ERBB4: variants seen among roughly 807,000 people sequenced by gnomAD.
ERBB4 encodes the protein erb-b2 receptor tyrosine kinase 4.
ERBB4 carries 42 observed loss-of-function variants against 158.0 expected under a neutral mutation model. The observed-to-expected ratio is 0.27, with a 90% CI of 0.21 to 0.34. The LOEUF (loss-of-function observed/expected upper bound fraction) is 0.34. Ranked by LOEUF, ERBB4 falls within the 10% of genes least tolerant of loss-of-function variation. The pLI is 1.00. For synonymous variants in ERBB4, 583 were observed against 558.7 expected (o/e 1.04, Z -0.61); for missense variants, 1,333 against 1,624.1 (o/e 0.82, Z 3.08).
chr2:212,408,363 TAA>T (rs1166729697), intron 1 of ERBB4, among the ~76,000 whole-genome samples: 3 of 152,150 alleles, frequency 2.0e-5, no homozygotes, highest in African/African-American at 4.8e-5. Flanking sequence ...GTTCCTACGT[TAA>T]GTTTCCTGAG....
At chr2:211,706,008 C>T (rs1320635837) in intron 9 of ERBB4, among the ~76,000 whole-genome samples, 2 of 152,078 alleles carry the variant, frequency 1.3e-5, no homozygotes, top group African/African-American at 2.4e-5. Context: ...AACACAGGAA[C>T]TATTCGCTTC....
intron 3 of ERBB4, among the ~76,000 whole-genome samples, chr2:211,933,861 AT>A (rs1273727447): frequency 2.0e-5 from 3 of 151,974 alleles, no homozygotes; most frequent in Non-Finnish European, 4.4e-5. Context: ...ATTGCTCTTT[AT>A]TTCCAAAATA....
At chr2:211,925,368 CAA>C (rs1156831857) in intron 3 of ERBB4, among the ~76,000 whole-genome samples, 2 of 134,798 alleles carry the variant, frequency 1.5e-5, no homozygotes, top group Non-Finnish European at 3.2e-5. Flanking sequence ...GAAACAAAAA[CAA>C]GACTGCTTTT....
At chr2:212,309,714 A>C (rs1035780755) in intron 1 of ERBB4, among the ~76,000 whole-genome samples, 14 of 150,392 alleles carry the variant, frequency 9.3e-5, no homozygotes, top group African/African-American at 3.4e-4. Flanking sequence ...CTCTGCTGCA[A>C]ATCTGTGTCA....
intron 2 of ERBB4, among the ~76,000 whole-genome samples, chr2:211,949,658 A>C (rs2080820802): frequency 6.6e-6 from 1 of 152,184 alleles, no homozygotes; most frequent in Non-Finnish European, 1.5e-5. Context: ...TCACATGAAA[A>C]GTATAGTTCT....
intron 2 of ERBB4, among the ~76,000 whole-genome samples, chr2:212,017,872 T>C (rs1378336645): frequency 6.6e-6 from 1 of 152,120 alleles, no homozygotes; most frequent in Non-Finnish European, 1.5e-5. Context: ...AAAATAAGCA[T>C]GCCACACTGA....
chr2:212,314,300 T>TA lies in ERBB4; in HGVS notation c.83-189398dup, dbSNP rs148334036. Among the ~76,000 whole-genome samples the TA allele has an allele frequency of 5.8e-3, 883 of 151,268 alleles. 6 individuals carry two copies. The highest frequency in any genetic ancestry group is 0.02 in the African/African-American group (844 of 41,432). On this transcript the variant is annotated intron_variant, in intron 1 of 27. Coordinates refer to ENST00000342788, the MANE Select transcript of ERBB4 (RefSeq NM_005235.3). The stretch of plus-strand genomic sequence containing the variant: ...CTCAACTTGGTTGACATTTTTACGT[T>TA]AATTTTTTTCAAGCACTTTTTTTCT...
intron 20 of ERBB4, among the ~76,000 whole-genome samples, chr2:211,526,121 A>G (rs1436599076): frequency 6.6e-6 from 1 of 152,052 alleles, no homozygotes; most frequent in Non-Finnish European, 1.5e-5. Flanking sequence ...ACAAGGTAAT[A>G]GTTTCAGTGG....
At position 212,300,884 on chromosome 2, in the gene ERBB4, C is replaced by T. The variant is rs78547301; in HGVS notation, c.83-175981G>A. 8.7e-3 allele frequency among the ~76,000 whole-genome samples: 1,310 copies of T among 151,410 alleles called. 17 individuals are homozygous for T. The highest frequency in any genetic ancestry group is 0.028 in the African/African-American group (1,173 of 41,436). ...ATAAAGATAAATTTTAGAAAAATAC[C>T]GCAATACCTCTACATGTGCTTCACT... On this transcript the variant is annotated intron_variant, in intron 1 of 27. Transcript: ENST00000342788.
At chr2:211,775,203 C>T (rs1470300619) in intron 4 of ERBB4, among the ~76,000 whole-genome samples, 1 of 152,154 alleles carries the variant, frequency 6.6e-6, no homozygotes, top group Non-Finnish European at 1.5e-5. Flanking sequence ...GTTGTCACTG[C>T]TAGTCATGAA....
rs367694095 is a variant in ERBB4, at chr2:212,404,407, A to G, written c.82+134042T>C. Among the ~76,000 whole-genome samples the G allele has an allele frequency of 1.6e-4, 25 of 152,160 alleles. 2 individuals are homozygous for G. The highest frequency in any genetic ancestry group is 5.5e-4 in the African/African-American group (23 of 41,552). On this transcript the variant is annotated intron_variant, in intron 1 of 27. Coordinates refer to ENST00000342788, the MANE Select transcript of ERBB4 (RefSeq NM_005235.3). ...AGTGTCCCTCATTATTGATTCACTC[A>G]TTTATCCATCTGTTCTTTGATTCAA...
intron 3 of ERBB4, among the ~76,000 whole-genome samples, chr2:211,927,626 T>G (rs1380443823): frequency 6.6e-6 from 1 of 152,154 alleles, no homozygotes; most frequent in East Asian, 1.9e-4. Context: ...GACAGCCACA[T>G]ATGCTTTAAA....
At chr2:212,519,214 G>A (rs552014050) in intron 1 of ERBB4, among the ~76,000 whole-genome samples, 88 of 151,888 alleles carry the variant, frequency 5.8e-4, no homozygotes, top group African/African-American at 2.0e-3. Flanking sequence ...TCCCTGAATT[G>A]TTTCTTAAAA....
intron 1 of ERBB4, among the ~76,000 whole-genome samples, chr2:212,421,802 A>C (rs1479686013): frequency 6.6e-6 from 1 of 152,170 alleles, no homozygotes; most frequent in African/African-American, 2.4e-5. Flanking sequence ...TCTGGATAAT[A>C]ATGTATTGGA....
chr2:212,520,745 G>T (rs1560542148), intron 1 of ERBB4, among the ~76,000 whole-genome samples: 1 of 151,958 alleles, frequency 6.6e-6, no homozygotes, highest in Non-Finnish European at 1.5e-5. Flanking sequence ...GGACTGTAGG[G>T]AGTTTGAGGT....
chr2:212,054,146 G>C (rs1375915336), intron 2 of ERBB4, among the ~76,000 whole-genome samples: 2 of 152,128 alleles, frequency 1.3e-5, no homozygotes, highest in African/African-American at 4.8e-5. Context: ...TTTCCACTGT[G>C]CTATGTGGAG....
intron 19 of ERBB4, among the ~76,000 whole-genome samples, chr2:211,581,869 G>A (rs1303952061): frequency 1.3e-5 from 2 of 151,988 alleles, no homozygotes; most frequent in Admixed American, 1.3e-4. Flanking sequence ...AATTAGCTAG[G>A]TGTGGTGGCT....
intron 2 of ERBB4, among the ~76,000 whole-genome samples, chr2:212,105,980 C>G (rs1559507522): frequency 1.3e-5 from 2 of 152,164 alleles, no homozygotes; most frequent in Non-Finnish European, 2.9e-5. Context: ...GCCTCCCCAG[C>G]CACATGGAAC....
At position 212,191,942 on chromosome 2, in the gene ERBB4, G is replaced by A. The variant is rs181173804; in HGVS notation, c.83-67039C>T. Among the ~76,000 whole-genome samples the A allele has an allele frequency of 6.1e-3, 613 of 100,574 alleles. 25 individuals carry two copies. Among genetic ancestry groups the A allele is most frequent in the African/African-American group, 0.02 (578 of 28,294 alleles). 66.0% of individuals were successfully genotyped at this position (100,574 alleles called of 152,430 possible). A position where few individuals can be genotyped will look rare whatever the true frequency, so the allele number is the denominator to read the frequency against. On this transcript the variant is annotated intron_variant, in intron 1 of 27. Coordinates refer to ENST00000342788, the MANE Select transcript of ERBB4 (RefSeq NM_005235.3). ...ATATATGTTATATATTATATATGAT[G>A]CATATGTTATATATGTTATATATGT...
Sources: allele counts gnomAD v4.1 joint callset (sites outside exome capture counted in the v4.1 genomes callset), GRCh38; gene constraint gnomAD v4.1.1; transcripts MANE v1.5; gene names NCBI Gene and HGNC (gene_info 2026-07-23, HGNC 2026-07-21).